Variants in EP400 observed in about 807,000 individuals in gnomAD.
The protein encoded by EP400 is E1A-binding protein p400.
In EP400, 105 loss-of-function variants were observed where a neutral mutation model predicts 354.1. That is an observed-to-expected ratio of 0.30 (90% CI 0.25 to 0.35). The LOEUF (loss-of-function observed/expected upper bound fraction) is 0.35, where lower values mean the gene tolerates loss of function less well. EP400 is among the 10% of genes least tolerant of loss of function. EP400 has a pLI of 1.00. For synonymous variants in EP400, 1,646 were observed against 1,716.9 expected (o/e 0.96, Z 1.02); for missense variants, 3,280 against 4,121.0 (o/e 0.80, Z 5.59).
chr12:132,002,830 T>C (rs557856118), intron 12 of EP400, among the ~76,000 whole-genome samples: 1 of 152,316 alleles, frequency 6.6e-6, no homozygotes, highest in South Asian at 2.1e-4. Context: ...CCATTGTCTT[T>C]ATGGTGTCGA....
chr12:131,960,865 C>G lies in EP400; in HGVS notation c.246C>G (p.Val82=). The change falls in exon 2 of 53, where the codon GTC becomes GTG. Residue 82 remains valine (V), a synonymous_variant. Coordinates refer to ENST00000389561, the MANE Select transcript of EP400 (RefSeq NM_015409.5). The part of the protein sequence containing the change: ...VNITLQSVGP[V]VGGNQQITLA... Reference sequence around the variant, plus strand: ...TCACCCTGCAGAGCGTGGGCCCTGTCGTCGGGGGAAACCAGCAGATCACAC... The same window carrying G: ...TCACCCTGCAGAGCGTGGGCCCTGTGGTCGGGGGAAACCAGCAGATCACAC... 6.2e-7 allele frequency: 1 copy of G among 1,614,008 alleles called. No individual in the cohort carries two copies. The highest frequency in any genetic ancestry group is 1.3e-5 in the African/African-American group (1 of 75,038).
chr12:132,011,424 T>C, intron 15 of EP400, 74 bp from the exon 16 acceptor site: 1 of 1,562,874 alleles, frequency 6.4e-7, no homozygotes, highest in Non-Finnish European at 8.7e-7. Flanking sequence ...GAAGCGTCTC[T>C]GGTCAGACAC....
At position 132,029,551 on chromosome 12, in the gene EP400, C is replaced by G; in HGVS notation, c.5382-150C>G. Reference sequence around the variant, plus strand: ...GCCTCGTTGGGCCCCTGCCCGTGTGCCAACACCCACATCCCCATGTGACTG... The same window carrying G: ...GCCTCGTTGGGCCCCTGCCCGTGTGGCAACACCCACATCCCCATGTGACTG... On this transcript the variant is annotated intron_variant, in intron 27 of 52. Transcript: ENST00000389561. The surrounding 1 kb of genome is among the most constrained non-coding windows in gnomAD (Gnocchi z 4.7). 1 of 847,238 alleles carries G rather than the reference C, an allele frequency of 1.2e-6. No individual in the cohort carries two copies. The highest frequency in any genetic ancestry group is 1.8e-6 in the Non-Finnish European group (1 of 545,460). The allele number at this position is 847,238 out of a possible 1,614,324, so 52.5% of individuals were successfully genotyped here.
intron 2 of EP400, among the ~76,000 whole-genome samples, chr12:131,977,182 G>A (rs1041993464): frequency 2.0e-5 from 3 of 152,100 alleles, no homozygotes; most frequent in African/African-American, 4.8e-5. Flanking sequence ...TTTCACCCAG[G>A]TTGGAGTGCA....
At chr12:132,023,501 T>A (rs987553350) in intron 23 of EP400, among the ~76,000 whole-genome samples, 1 of 152,082 alleles carries the variant, frequency 6.6e-6, no homozygotes, top group Non-Finnish European at 1.5e-5. Context: ...AAAATGTTCC[T>A]TAATAGCTTC....
At position 132,050,845 on chromosome 12, in the gene EP400, C is replaced by G; in HGVS notation, c.7394+190C>G. ...TGGGCTAGGGTATGCATAGGACGGCCCCTGCCCTGTCTCTGTGTTACAGGG... is the reference window on the plus strand; with the variant it reads ...TGGGCTAGGGTATGCATAGGACGGCGCCTGCCCTGTCTCTGTGTTACAGGG... On this transcript the variant is annotated intron_variant, in intron 41 of 52. Coordinates refer to ENST00000389561, the MANE Select transcript of EP400 (RefSeq NM_015409.5). The surrounding 1 kb of genome is among the most constrained non-coding windows in gnomAD (Gnocchi z 4.8). The G allele has an allele frequency of 1.5e-6, 1 of 648,788 alleles. No homozygotes were observed. The allele number at this position is 648,788 out of a possible 1,614,324, so 40.2% of individuals were successfully genotyped here. A position where few individuals can be genotyped will look rare whatever the true frequency, so the allele number is the denominator to read the frequency against.
chr12:131,985,888 G>A (rs1892838701), intron 5 of EP400, among the ~76,000 whole-genome samples: 1 of 152,224 alleles, frequency 6.6e-6, no homozygotes, highest in African/African-American at 2.4e-5. Flanking sequence ...TATTATAGGC[G>A]TGAGCCACTG....
intron 12 of EP400, among the ~76,000 whole-genome samples, chr12:131,997,165 A>G (rs1014916201): frequency 2.0e-5 from 3 of 152,194 alleles, no homozygotes; most frequent in East Asian, 3.8e-4. Context: ...AAATTTGCAT[A>G]TAGCTTTTGA....
intron 1 of EP400, among the ~76,000 whole-genome samples, chr12:131,956,153 G>A (rs906127874): frequency 8.5e-5 from 13 of 152,076 alleles, no homozygotes; most frequent in Non-Finnish European, 2.9e-5. Context: ...CGCAGCCCTC[G>A]GCCTCTGTTA....
intron 2 of EP400, among the ~76,000 whole-genome samples, chr12:131,967,022 C>T (rs1892120832): frequency 2.6e-5 from 4 of 151,138 alleles, no homozygotes; most frequent in East Asian, 3.9e-4. Context: ...TGCAGTGAGT[C>T]GTGGACATGC....
intron 9 of EP400, 38 bp from the exon 10 acceptor site, chr12:131,991,369 G>C (rs766897809): frequency 6.2e-6 from 10 of 1,610,788 alleles, no homozygotes; most frequent in Non-Finnish European, 8.5e-6. Flanking sequence ...CCAAGCATGG[G>C]GGGCCTTGGG....
chr12:132,024,830 GCACCTTCCCC>G lies in EP400; in HGVS notation c.4856-806_4856-797del, dbSNP rs1380731949. Among the ~76,000 whole-genome samples the G allele has an allele frequency of 1.3e-4, 20 of 150,210 alleles. No individual in the cohort carries two copies. The East Asian group carries it at 3.3e-3, about 25-fold the overall frequency. On this transcript the variant is annotated intron_variant, in intron 24 of 52. Transcript: ENST00000389561. Reference sequence around the variant, plus strand: ...CCACCCCCCCACAGCAGCCCCGGTGGCACCTTCCCCCACCTTCCCTCACCTTCCTTCACCT... The same window carrying G: ...CCACCCCCCCACAGCAGCCCCGGTGGCACCTTCCCTCACCTTCCTTCACCT...
At chr12:132,015,902 C>A (rs552669136) in intron 19 of EP400, among the ~76,000 whole-genome samples, 1 of 152,086 alleles carries the variant, frequency 6.6e-6, no homozygotes, top group Non-Finnish European at 1.5e-5. Flanking sequence ...TTGCAGGGAC[C>A]ATGCCACACC....
At chr12:132,030,238 G>C (rs1012400964) in intron 29 of EP400, 80 bp downstream of exon 29, 2 of 1,503,952 alleles carry the variant, frequency 1.3e-6, no homozygotes, top group Admixed American at 1.9e-5. Flanking sequence ...AAATTCAGTG[G>C]TCTCATGGCC....
intron 5 of EP400, among the ~76,000 whole-genome samples, chr12:131,983,089 T>C (rs1004732944): frequency 6.6e-6 from 1 of 152,234 alleles, no homozygotes; most frequent in African/African-American, 2.4e-5. Flanking sequence ...AGTTATCCCT[T>C]ATGATCTGCC....
intron 24 of EP400, 51 bp downstream of exon 24, chr12:132,023,992 C>T (rs184476976): frequency 2.0e-6 from 3 of 1,493,932 alleles, no homozygotes; most frequent in Non-Finnish European, 2.7e-6. Flanking sequence ...AAAAGCGCCT[C>T]ACCATGAGCC....
rs759552688 is a variant in EP400, at chr12:132,029,821, G to A, written c.5502G>A (p.Ala1834=). Reference sequence around the variant, plus strand: ...GGCAGGGCCTGAGAGAGCACGCTGCGCCGTACTTCCAGCAGCTGCGGCAGA... The same window carrying A: ...GGCAGGGCCTGAGAGAGCACGCTGCACCGTACTTCCAGCAGCTGCGGCAGA... ...ILRQGLREHA[A]PYFQQLRQTT... Residue 1834 remains alanine, a synonymous_variant, in exon 28 of 53, where the codon GCG becomes GCA. Transcript: ENST00000389561. This position sits in a 1 kb window ranked among gnomAD's most constrained non-coding sequence, Gnocchi z 4.7. 31 of 1,613,266 alleles carry A rather than the reference G, an allele frequency of 1.9e-5. No homozygotes were observed. The highest frequency in any genetic ancestry group is 1.8e-4 in the South Asian group (16 of 91,092).
chr12:131,963,585 A>G, intron 2 of EP400: 1 of 1,598,508 alleles, frequency 6.3e-7, no homozygotes. Flanking sequence ...TTGCTATAGC[A>G]ACCCAGCTTC....
chr12:131,979,959 A>G (rs760218831), intron 3 of EP400, among the ~76,000 whole-genome samples, 166 bp downstream of exon 3: 1 of 151,942 alleles, frequency 6.6e-6, no homozygotes, highest in Non-Finnish European at 1.5e-5. Context: ...ATTTACGTGA[A>G]TTTTTCTGTG....
Sources: allele counts gnomAD v4.1 joint callset (sites outside exome capture counted in the v4.1 genomes callset), GRCh38; gene constraint gnomAD v4.1.1; non-coding constraint Gnocchi (gnomAD v3.1); transcripts MANE v1.5; gene names NCBI Gene and HGNC (gene_info 2026-07-23, HGNC 2026-07-21).